Variants in SHANK2 observed in about 807,000 individuals in gnomAD.
SHANK2 encodes the protein SH3 and multiple ankyrin repeat domains 2, also known as SH3 and multiple ankyrin repeat domains protein 2.
A neutral mutation model predicts 133.7 loss-of-function variants in SHANK2; 43 were observed. That is an observed-to-expected ratio of 0.32 (90% CI 0.25 to 0.41). The LOEUF is 0.41. SHANK2 is among the 10% of genes least tolerant of loss of function. The probability of loss-of-function intolerance (pLI) is 1.00; values close to 1 mark genes in which losing one functional copy is unlikely to be tolerated. For missense variants in SHANK2, 1,994 were observed against 2,235.8 expected, an observed-to-expected ratio of 0.89 and a Z score of 2.18; for synonymous variants, 1,017 against 952.8, an observed-to-expected ratio of 1.07 and a Z score of -1.24.
At chr11:70,946,689 A>G (rs1590862342) in intron 10 of SHANK2, among the ~76,000 whole-genome samples, 1 of 98,774 alleles carries the variant, frequency 1.0e-5, no homozygotes, top group South Asian at 3.4e-4. Flanking sequence ...CCACTAACCA[A>G]CCCTTCCCAG....
At chr11:70,602,056 G>GTGC (rs1410360502) in intron 17 of SHANK2, among the ~76,000 whole-genome samples, 2 of 152,318 alleles carry the variant, frequency 1.3e-5, no homozygotes, top group East Asian at 3.9e-4. Context: ...TCGTGGCTTG[G>GTGC]TGCTGTCCTT....
In SHANK2 at chr11:70,469,993, A is replaced by G. The variant is rs1334080283; in HGVS notation, c.*2876T>C. ...GTTTATTTAAATTACAGTATGTAAC[A>G]AAAGTTGATCTTAAAACCTGGAATA... On this transcript the variant is annotated 3_prime_UTR_variant, in exon 26 of 26. Transcript: ENST00000601538. The G allele has an allele frequency of 3.3e-5, 5 of 152,776 alleles. No individual in the cohort carries two copies. Among genetic ancestry groups the G allele is most frequent in the African/African-American group, 1.2e-4 (5 of 41,596 alleles). 9.5% of individuals were successfully genotyped at this position (152,776 alleles called of 1,614,324 possible).
rs1461469134 is a variant in SHANK2 at position 70,908,856 on chromosome 11, G to A, written c.1108-12289C>T. ...CCAACTGATCTACCTCCATTTAGTC[G>A]TTCAGTTTCCAGCCAAGATGTTGAA... On this transcript the variant is annotated intron_variant, in intron 10 of 25. Transcript: ENST00000601538. 3.9e-5 allele frequency among the ~76,000 whole-genome samples: 6 copies of A among 152,292 alleles called. No individual in the cohort carries two copies. In the East Asian group the frequency reaches 7.7e-4, roughly 20 times the overall value.
chr11:70,941,758 G>A (rs1950651265), intron 10 of SHANK2, among the ~76,000 whole-genome samples: 1 of 152,146 alleles, frequency 6.6e-6, no homozygotes, highest in African/African-American at 2.4e-5. Flanking sequence ...CTCCAGAACT[G>A]TGAGTGATAA....
chr11:71,205,949 C>A (rs571077338), intron 2 of SHANK2, among the ~76,000 whole-genome samples: 1 of 152,208 alleles, frequency 6.6e-6, no homozygotes, highest in African/African-American at 2.4e-5. Flanking sequence ...GGCTGGGGAC[C>A]TCTGGGGAGA....
At chr11:70,718,883 G>A (rs1946012945) in intron 14 of SHANK2, among the ~76,000 whole-genome samples, 1 of 152,170 alleles carries the variant, frequency 6.6e-6, no homozygotes. Flanking sequence ...AGCCTGGACT[G>A]AATCCCACTT....
chr11:71,125,958 G>A (rs1410333865), intron 3 of SHANK2, among the ~76,000 whole-genome samples: 3 of 152,104 alleles, frequency 2.0e-5, no homozygotes, highest in South Asian at 2.1e-4. Context: ...GGTGGCTCAC[G>A]CCTGTAATCC....
At chr11:70,632,118 G>A (rs2060999345) in intron 17 of SHANK2, among the ~76,000 whole-genome samples, 1 of 152,080 alleles carries the variant, frequency 6.6e-6, no homozygotes, top group South Asian at 2.1e-4. Flanking sequence ...AGTGGACTGA[G>A]CGGACATTTT....
intron 17 of SHANK2, among the ~76,000 whole-genome samples, chr11:70,537,762 C>A (rs192454067): frequency 6.6e-6 from 1 of 152,376 alleles, no homozygotes; most frequent in African/African-American, 2.4e-5. Flanking sequence ...TGCAGAGGCA[C>A]GAGTCAGCTC....
At chr11:70,510,009 C>T (rs527484346) in intron 17 of SHANK2, among the ~76,000 whole-genome samples, 1 of 152,342 alleles carries the variant, frequency 6.6e-6, no homozygotes, top group East Asian at 1.9e-4. Context: ...AGCCTGGCCA[C>T]AGCTGTTTCC....
intron 14 of SHANK2, among the ~76,000 whole-genome samples, chr11:70,790,743 G>A (rs1203410873): frequency 2.0e-5 from 3 of 152,172 alleles, no homozygotes; most frequent in Non-Finnish European, 4.4e-5. Flanking sequence ...TTTCTCTGGA[G>A]AATCTTGACT....
chr11:71,127,532 G>A (rs1345923947), intron 3 of SHANK2, among the ~76,000 whole-genome samples: 2 of 152,182 alleles, frequency 1.3e-5, no homozygotes, highest in East Asian at 3.9e-4. Context: ...CCACCACTCT[G>A]ATCAGTTGGC....
In SHANK2 at chr11:71,175,477, G is replaced by A. The variant is rs1953412876; in HGVS notation, c.-12-28139C>T. On this transcript the variant is annotated intron_variant, in intron 2 of 25. Coordinates refer to ENST00000601538, the MANE Select transcript of SHANK2 (RefSeq NM_012309.5). This position sits in a 1 kb window ranked among gnomAD's most constrained non-coding sequence, Gnocchi z 4.2. The stretch of plus-strand genomic sequence containing the variant: ...GAGGGGGAGAAATAGACCAAGGCTG[G>A]TGAAAGAGAAGTGGGGACAAAAAAG... Among the ~76,000 whole-genome samples the A allele has an allele frequency of 6.6e-6, 1 of 150,878 alleles. No homozygotes were observed. Among genetic ancestry groups the A allele is most frequent in the South Asian group, 2.1e-4 (1 of 4,736 alleles).
intron 15 of SHANK2, among the ~76,000 whole-genome samples, chr11:70,694,364 A>C (rs567813088): frequency 2.0e-4 from 31 of 152,164 alleles, no homozygotes; most frequent in Non-Finnish European, 4.3e-4. Flanking sequence ...CAGCTCTGAG[A>C]CTCTGAGCAG....
chr11:70,565,717 C>T lies in SHANK2; in HGVS notation c.2062-62786G>A, dbSNP rs140865073. ...TATTACCTGGTGTCTGGTTGTAAAA[C>T]CTATTACTTTATATATTTTATCTTT... On this transcript the variant is annotated intron_variant, in intron 17 of 25. Transcript: ENST00000601538. Among the ~76,000 whole-genome samples, 993 of 152,292 alleles carry T rather than the reference C, an allele frequency of 6.5e-3. 4 individuals carry two copies. Among genetic ancestry groups the T allele is most frequent in the South Asian group, 0.023 (113 of 4,822 alleles).
At chr11:71,193,927 C>T (rs1953844711) in intron 2 of SHANK2, among the ~76,000 whole-genome samples, 1 of 152,202 alleles carries the variant, frequency 6.6e-6, no homozygotes, top group Admixed American at 6.5e-5. Flanking sequence ...ACTTGATTAC[C>T]TCTTTAAAGA....
In SHANK2 at chr11:71,138,986, C is replaced by T. The variant is rs576440727; in HGVS notation, c.207+8134G>A. On this transcript the variant is annotated intron_variant, in intron 3 of 25. Coordinates refer to ENST00000601538, the MANE Select transcript of SHANK2 (RefSeq NM_012309.5). ...TGGGGATTTTGAGTGACTGTACAGG[C>T]GGGGAGAGAGGGAGGACAGCTGAGT... Among the ~76,000 whole-genome samples the T allele has an allele frequency of 3.3e-5, 5 of 151,950 alleles. No homozygotes were observed. The East Asian group carries it at 5.8e-4, about 18-fold the overall frequency.
intron 2 of SHANK2, among the ~76,000 whole-genome samples, chr11:71,196,721 G>A (rs531830985): frequency 1.0e-4 from 15 of 149,486 alleles, no homozygotes; most frequent in Admixed American, 9.3e-4. Context: ...ATCCCTGCCC[G>A]ATGCAATGGC....
intron 14 of SHANK2, among the ~76,000 whole-genome samples, chr11:70,731,501 A>C (rs532098597): frequency 2.6e-5 from 4 of 152,218 alleles, no homozygotes; most frequent in Non-Finnish European, 4.4e-5. Context: ...GGAATCACAC[A>C]GTACACAATG....
Sources: allele counts gnomAD v4.1 joint callset (sites outside exome capture counted in the v4.1 genomes callset), GRCh38; gene constraint gnomAD v4.1.1; non-coding constraint Gnocchi (gnomAD v3.1); transcripts MANE v1.5; gene names NCBI Gene and HGNC (gene_info 2026-07-23, HGNC 2026-07-21).